PRELID2: variants seen among roughly 807,000 people sequenced by gnomAD.
PRELID2 encodes PRELI domain-containing protein 2.
PRELID2 carries 25 observed loss-of-function variants against 28.4 expected under a neutral mutation model. The observed-to-expected ratio is 0.88, with a 90% confidence interval of 0.64 to 1.23. The LOEUF (loss-of-function observed/expected upper bound fraction) is 1.23. PRELID2 is among the 50% of genes most tolerant of loss of function. PRELID2 has a pLI of 0.00. For synonymous variants in PRELID2, 76 were observed against 71.6 expected (o/e 1.06, Z -0.31); for missense variants, 201 against 214.4 (o/e 0.94, Z 0.39).
the PRELID2 span, among the ~76,000 whole-genome samples, chr5:145,414,692 G>C: frequency 6.6e-6 from 1 of 152,178 alleles, no homozygotes; most frequent in African/African-American, 2.4e-5. Context: ...TTGTGAATCA[G>C]AGTAGTGTTC....
At position 145,653,963 on chromosome 5, in the gene PRELID2, G is replaced by A. The variant is rs1366101063; in HGVS notation, n.70+110968C>T. ...CAAAAAATCACTGAATCCAGGAGCTGGTTTTTTTAAAAGATCAATAAAATT... is the reference window on the plus strand; with the variant it reads ...CAAAAAATCACTGAATCCAGGAGCTAGTTTTTTTAAAAGATCAATAAAATT... On this transcript the variant is annotated intron_variant and non_coding_transcript_variant, in intron 1 of 2. Coordinates refer to the PRELID2 transcript ENST00000510259. 2.0e-5 allele frequency among the ~76,000 whole-genome samples: 3 copies of A among 151,900 alleles called. No homozygotes were observed. In the South Asian group the frequency reaches 6.2e-4, roughly 32 times the overall value.
At chr5:145,255,051 C>T in the PRELID2 span, among the ~76,000 whole-genome samples, 2 of 152,098 alleles carry the variant, frequency 1.3e-5, no homozygotes, top group Admixed American at 1.3e-4. Context: ...CACCCTGCCA[C>T]CCCTCACACA....
intron 1 of PRELID2, among the ~76,000 whole-genome samples, chr5:145,824,929 G>GA (rs956383926): frequency 6.0e-5 from 9 of 150,216 alleles, no homozygotes; most frequent in African/African-American, 9.8e-5. Context: ...TTTAGCCCTA[G>GA]AAAAAAAAAT....
At chr5:145,358,182 T>G in the PRELID2 span, among the ~76,000 whole-genome samples, 1 of 152,216 alleles carries the variant, frequency 6.6e-6, no homozygotes, top group African/African-American at 2.4e-5. Flanking sequence ...AACACAGGGT[T>G]GTGCCTGCCT....
the PRELID2 span, among the ~76,000 whole-genome samples, chr5:145,322,612 C>T: frequency 6.6e-6 from 1 of 152,156 alleles, no homozygotes; most frequent in Admixed American, 6.5e-5. Context: ...AAAACTTCAA[C>T]TGATATATAA....
the PRELID2 span, among the ~76,000 whole-genome samples, chr5:145,337,726 T>TAC: frequency 6.8e-5 from 2 of 29,232 alleles, no homozygotes; most frequent in Non-Finnish European, 1.2e-4. Context: ...TATATATATA[T>TAC]ATATACTCAC....
At chr5:145,352,808 T>C in the PRELID2 span, among the ~76,000 whole-genome samples, 1 of 152,186 alleles carries the variant, frequency 6.6e-6, no homozygotes, top group African/African-American at 2.4e-5. Context: ...AAGTTCCTAG[T>C]TCCACAGATC....
At chr5:145,764,722 C>A (rs1231369416) in intron 6 of PRELID2, among the ~76,000 whole-genome samples, 1 of 152,138 alleles carries the variant, frequency 6.6e-6, no homozygotes, top group Non-Finnish European at 1.5e-5. Flanking sequence ...AGTTGTAACC[C>A]AGCATGTAAT....
chr5:145,279,294 C>A, the PRELID2 span, among the ~76,000 whole-genome samples: 3 of 152,096 alleles, frequency 2.0e-5, no homozygotes, highest in African/African-American at 7.2e-5. Flanking sequence ...TTTCTTTTCC[C>A]AAATTGGCTC....
At chr5:145,466,499 G>T in the PRELID2 span, among the ~76,000 whole-genome samples, 1 of 152,014 alleles carries the variant, frequency 6.6e-6, no homozygotes, top group Admixed American at 6.6e-5. Context: ...GTATGTTTTT[G>T]TATGTCTATC....
chr5:145,482,886 A>G (rs369107325), intron 1 of PRELID2, among the ~76,000 whole-genome samples: 14 of 151,948 alleles, frequency 9.2e-5, no homozygotes, highest in East Asian at 1.9e-4. Flanking sequence ...TCGCGCTCCT[A>G]TGAGAATGTA....
chr5:145,445,627 A>C, the PRELID2 span, among the ~76,000 whole-genome samples: 2 of 152,212 alleles, frequency 1.3e-5, no homozygotes, highest in East Asian at 1.9e-4. Context: ...GCTATCCAAC[A>C]GGGGATTAAT....
the PRELID2 span, among the ~76,000 whole-genome samples, chr5:145,380,577 A>G: frequency 3.3e-5 from 5 of 152,160 alleles, no homozygotes; most frequent in African/African-American, 4.8e-5. Flanking sequence ...TTACACATTC[A>G]TAGTAAGTAT....
chr5:145,449,595 T>G, the PRELID2 span, among the ~76,000 whole-genome samples: 2 of 152,142 alleles, frequency 1.3e-5, no homozygotes, highest in African/African-American at 2.4e-5. Flanking sequence ...TCGGAATGCC[T>G]GTTCCCATTT....
chr5:145,238,476 A>C, the PRELID2 span, among the ~76,000 whole-genome samples: 3 of 152,126 alleles, frequency 2.0e-5, no homozygotes, highest in African/African-American at 7.2e-5. Context: ...AAATTTGTCT[A>C]TGTAAAACCT....
chr5:145,469,239 A>G (rs928746523), downstream of PRELID2, among the ~76,000 whole-genome samples: 2 of 152,132 alleles, frequency 1.3e-5, no homozygotes, highest in East Asian at 1.9e-4. Flanking sequence ...ATCTTAAAAT[A>G]CTATCTAGAT....
At chr5:145,476,593 C>T (rs1025957819) in intron 1 of PRELID2, among the ~76,000 whole-genome samples, 7 of 151,458 alleles carry the variant, frequency 4.6e-5, no homozygotes, top group African/African-American at 1.7e-4. Context: ...TACAGTGAGC[C>T]GAGATTGCGC....
rs76583508 is a variant in PRELID2, at chr5:145,591,773, C to T, written n.71-118458G>A. ...ACAGGAATTGGGCTGGAGCCACTGA[C>T]TAACTTTGCTAATGCTCATATCAGC... On this transcript the variant is annotated intron_variant and non_coding_transcript_variant, in intron 1 of 2. Coordinates refer to the PRELID2 transcript ENST00000510259. Among the ~76,000 whole-genome samples, 1,386 of 152,334 alleles carry T rather than the reference C, an allele frequency of 9.1e-3. 29 individuals are homozygous for T. The highest frequency in any genetic ancestry group is 0.032 in the African/African-American group (1,316 of 41,566).
At chr5:145,675,602 T>C (rs1287304882) in intron 1 of PRELID2, among the ~76,000 whole-genome samples, 1 of 152,204 alleles carries the variant, frequency 6.6e-6, no homozygotes, top group Admixed American at 6.5e-5. Flanking sequence ...AGTAAAAGTC[T>C]GCAAACACAC....
Sources: gnomAD v4.1 joint callset for allele counts (sites outside exome capture counted in the v4.1 genomes callset) on GRCh38, gnomAD v4.1.1 for gene constraint, MANE v1.5 for transcripts, NCBI Gene and HGNC (gene_info 2026-07-23, HGNC 2026-07-21) for gene names.